SLC41A2: variants seen among roughly 807,000 people sequenced by gnomAD.
SLC41A2 encodes solute carrier family 41 member 2.
A neutral mutation model predicts 58.3 loss-of-function variants in SLC41A2; 32 were observed. The ratio of observed to expected loss-of-function variants is 0.55; its 90% CI spans 0.41 to 0.74. The LOEUF is 0.74. SLC41A2 is among the 30% of genes least tolerant of loss of function. The pLI, the probability that SLC41A2 is intolerant of heterozygous loss-of-function variation, is 0.00. For synonymous variants in SLC41A2, 190 were observed against 235.0 expected, an observed-to-expected ratio of 0.81 and a Z score of 1.75; for missense variants, 514 against 680.6, an observed-to-expected ratio of 0.76 and a Z score of 2.72.
At chr12:104,829,318 AAATT>A (rs776382989) in intron 10 of SLC41A2, among the ~76,000 whole-genome samples, 1 of 152,214 alleles carries the variant, frequency 6.6e-6, no homozygotes, top group Non-Finnish European at 1.5e-5. Flanking sequence ...TCAGCAATAA[AAATT>A]ATTAAACTAC....
chr12:104,914,978 A>T (rs17036509), intron 2 of SLC41A2, among the ~76,000 whole-genome samples: 5,811 of 152,314 alleles, frequency 0.038, 155 homozygotes, highest in East Asian at 0.11. Flanking sequence ...CTTACTTACA[A>T]ATTTTACCAT....
intron 10 of SLC41A2, among the ~76,000 whole-genome samples, chr12:104,814,386 CAACAAACA>C (rs540543286): frequency 2.0e-5 from 3 of 152,060 alleles, no homozygotes; most frequent in Non-Finnish European, 4.4e-5. Flanking sequence ...TTGTGTCTCA[CAACAAACA>C]AACAAACAAA....
intron 10 of SLC41A2, among the ~76,000 whole-genome samples, chr12:104,824,231 C>G (rs2041754638): frequency 6.6e-6 from 1 of 152,058 alleles, no homozygotes; most frequent in Non-Finnish European, 1.5e-5. Flanking sequence ...GCCACGCCCC[C>G]ATCTTGTGCC....
At chr12:104,916,681 C>A (rs2046338059) in intron 2 of SLC41A2, among the ~76,000 whole-genome samples, 1 of 152,164 alleles carries the variant, frequency 6.6e-6, no homozygotes. Context: ...ATATCTACAA[C>A]TATCTGATCT....
In SLC41A2 at chr12:104,853,911, A is replaced by ATTTTTTTTTTTTTT. The variant is rs1555202443; in HGVS notation, c.1255+7366_1255+7379dup. Among the ~76,000 whole-genome samples, 16 of 59,496 alleles carry ATTTTTTTTTTTTTT rather than the reference A, an allele frequency of 2.7e-4. 1 individual carries two copies. Among genetic ancestry groups the ATTTTTTTTTTTTTT allele is most frequent in the African/African-American group, 1.0e-3 (15 of 14,474 alleles). The allele number at this position is 59,496 out of a possible 152,430, so 39.0% of individuals were successfully genotyped here. ...GGGTGCATGTCACCATGCCTGGCTGATTTTTTTTTTTTTTTTTTTTTTTTT... is the reference window on the plus strand; with the variant it reads ...GGGTGCATGTCACCATGCCTGGCTGATTTTTTTTTTTTTTTTTTTTTTTTTTTTTTTTTTTTTTT... On this transcript the variant is annotated intron_variant, in intron 8 of 10. Transcript: ENST00000258538.
upstream of SLC41A2, chr12:104,958,356 C>T (rs1372041623): frequency 6.7e-6 from 1 of 148,520 alleles, no homozygotes; most frequent in Non-Finnish European, 1.5e-5. Flanking sequence ...GGCAGCCCCG[C>T]GCAAGCGCAG....
chr12:104,878,787 C>T (rs1376670168), intron 6 of SLC41A2, among the ~76,000 whole-genome samples: 1 of 152,170 alleles, frequency 6.6e-6, no homozygotes. Flanking sequence ...GTGCATATGT[C>T]TTTATAGCAG....
chr12:104,821,186 G>A (rs2041622232), intron 10 of SLC41A2, among the ~76,000 whole-genome samples: 1 of 151,932 alleles, frequency 6.6e-6, no homozygotes, highest in Non-Finnish European at 1.5e-5. Context: ...AAAATATGTA[G>A]ATATGTATTT....
chr12:104,840,599 A>G (rs1402672426), intron 10 of SLC41A2, among the ~76,000 whole-genome samples: 1 of 152,192 alleles, frequency 6.6e-6, no homozygotes, highest in Non-Finnish European at 1.5e-5. Context: ...TCTGGTCTTG[A>G]TATGGTCTAG....
intron 6 of SLC41A2, among the ~76,000 whole-genome samples, chr12:104,880,093 C>G (rs1191946432): frequency 1.3e-5 from 2 of 152,086 alleles, no homozygotes; most frequent in Non-Finnish European, 2.9e-5. Context: ...AATGGGAGTT[C>G]ACTCATGATT....
chr12:104,950,945 G>T lies in SLC41A2; in HGVS notation c.-168+7143C>A, dbSNP rs1346346836. On this transcript the variant is annotated intron_variant, in intron 1 of 10. Transcript: ENST00000258538. ...CCTAGATTGAGGTGGCTGGGGGAGGGGTAAGCAGTAATAGAAAGCAAGATT... is the reference window on the plus strand; with the variant it reads ...CCTAGATTGAGGTGGCTGGGGGAGGTGTAAGCAGTAATAGAAAGCAAGATT... Among the ~76,000 whole-genome samples, 10 of 151,968 alleles carry T rather than the reference G, an allele frequency of 6.6e-5. 1 individual carries two copies. Among genetic ancestry groups the T allele is most frequent in the Admixed American group, 5.2e-4 (8 of 15,264 alleles).
intron 10 of SLC41A2, among the ~76,000 whole-genome samples, chr12:104,818,760 C>T (rs540195091): frequency 6.6e-6 from 1 of 152,150 alleles, no homozygotes; most frequent in Admixed American, 6.5e-5. Context: ...ACCTGTAATC[C>T]CAGCTACTCG....
At chr12:104,891,519 A>G (rs1033709787) in intron 4 of SLC41A2, among the ~76,000 whole-genome samples, 1 of 148,582 alleles carries the variant, frequency 6.7e-6, no homozygotes, top group Non-Finnish European at 1.5e-5. Flanking sequence ...TATTATTTAT[A>G]TATATATTTA....
At chr12:104,845,812 C>G in intron 9 of SLC41A2, 31 bp downstream of exon 9, 1 of 1,583,464 alleles carries the variant, frequency 6.3e-7, no homozygotes, top group Non-Finnish European at 8.6e-7. Context: ...AGCCCTTGAT[C>G]TAAAATATGC....
intron 8 of SLC41A2, among the ~76,000 whole-genome samples, chr12:104,850,266 G>T (rs1183424772): frequency 6.6e-6 from 1 of 152,126 alleles, no homozygotes; most frequent in Non-Finnish European, 1.5e-5. Context: ...TCTGGCTTGT[G>T]CTAGATTATT....
rs1380336913 is a variant in SLC41A2, at chr12:104,922,474, T to TTTTATATA, written c.555+5498_555+5499insTATATAAA. Among the ~76,000 whole-genome samples, 8 of 136,258 alleles carry TTTTATATA rather than the reference T, an allele frequency of 5.9e-5. No homozygotes were observed. The East Asian group carries it at 2.0e-3, about 33-fold the overall frequency. The allele number at this position is 136,258 out of a possible 152,430, so 89.4% of individuals were successfully genotyped here. A position where few individuals can be genotyped will look rare whatever the true frequency, so the allele number is the denominator to read the frequency against. On this transcript the variant is annotated intron_variant, in intron 2 of 10. Coordinates refer to ENST00000258538, the MANE Select transcript of SLC41A2 (RefSeq NM_001352171.3). The stretch of plus-strand genomic sequence containing the variant: ...TCAATTCAGCAAGAAGACATAACAA[T>TTTTATATA]TGTATATATATATATATATCCACCC...
At chr12:104,888,134 T>C (rs2044765135) in intron 5 of SLC41A2, among the ~76,000 whole-genome samples, 1 of 152,066 alleles carries the variant, frequency 6.6e-6, no homozygotes, top group South Asian at 2.1e-4. Context: ...TAGCTTAACT[T>C]CACTCTGCTT....
intron 6 of SLC41A2, among the ~76,000 whole-genome samples, chr12:104,875,271 A>G (rs2043991255): frequency 6.6e-6 from 1 of 151,968 alleles, no homozygotes; most frequent in Non-Finnish European, 1.5e-5. Flanking sequence ...GTTTTCATTT[A>G]TTTTGTTGTC....
chr12:104,896,479 G>T (rs781201484), intron 3 of SLC41A2, among the ~76,000 whole-genome samples: 8 of 152,126 alleles, frequency 5.3e-5, no homozygotes, highest in Non-Finnish European at 1.2e-4. Context: ...GAGTAATAAG[G>T]TACAAGCAAT....
Sources: allele counts gnomAD v4.1 joint callset (sites outside exome capture counted in the v4.1 genomes callset), GRCh38; gene constraint gnomAD v4.1.1; transcripts MANE v1.5; gene names NCBI Gene and HGNC (gene_info 2026-07-23, HGNC 2026-07-21).